Variants in XYLT1 observed in about 807,000 individuals in gnomAD.
The protein encoded by XYLT1 is beta-D-xylosyltransferase 1.
A neutral mutation model predicts 91.3 loss-of-function variants in XYLT1; 36 were observed. The observed-to-expected ratio is 0.39, with a 90% CI of 0.30 to 0.52. The LOEUF (loss-of-function observed/expected upper bound fraction) is 0.52. Ranked by LOEUF, XYLT1 falls within the 20% of genes least tolerant of loss-of-function variation. The pLI, the probability that XYLT1 is intolerant of heterozygous loss-of-function variation, is 0.68. For synonymous variants in XYLT1, 588 were observed against 532.0 expected (o/e 1.11, Z -1.45); for missense variants, 1,242 against 1,284.5 (o/e 0.97, Z 0.51).
chr16:17,304,654 AT>A (rs996786207), intron 2 of XYLT1, among the ~76,000 whole-genome samples: 8 of 150,320 alleles, frequency 5.3e-5, no homozygotes, highest in East Asian at 1.9e-4. Flanking sequence ...CACAGTTAAG[AT>A]TTTTTTTTTC....
At chr16:17,308,440 T>C (rs2034498287) in intron 2 of XYLT1, among the ~76,000 whole-genome samples, 1 of 152,174 alleles carries the variant, frequency 6.6e-6, no homozygotes, top group African/African-American at 2.4e-5. Context: ...AGAGATTACT[T>C]CCCTTCTCCT....
intron 1 of XYLT1, among the ~76,000 whole-genome samples, chr16:17,371,465 A>G (rs550031072): frequency 8.3e-4 from 127 of 152,346 alleles, no homozygotes; most frequent in African/African-American, 2.7e-3. Flanking sequence ...CTCCCTATAA[A>G]GAAGAGTTTG....
rs565391680 is a variant in XYLT1 at position 17,176,296 on chromosome 16, T to C, written c.1290-17387A>G. The stretch of plus-strand genomic sequence containing the variant: ...GTCACCCGGGCAGCTTGGGTCACCA[T>C]CACTATCATCGTTTCTCGAGCCCTT... On this transcript the variant is annotated intron_variant, in intron 5 of 11. Transcript: ENST00000261381. 4.0e-4 allele frequency among the ~76,000 whole-genome samples: 61 copies of C among 152,332 alleles called. 1 individual carries two copies. The highest frequency in any genetic ancestry group is 1.4e-3 in the African/African-American group (57 of 41,576).
chr16:17,202,458 T>C (rs1322660737), intron 3 of XYLT1, among the ~76,000 whole-genome samples: 1 of 152,210 alleles, frequency 6.6e-6, no homozygotes, highest in African/African-American at 2.4e-5. Flanking sequence ...CTGCCCTCGA[T>C]TGGTGGGTCT....
rs1236568384 is a variant in XYLT1, at chr16:17,198,276, G to A, written c.1225C>T (p.Leu409=). The A allele has an allele frequency of 1.2e-5, 19 of 1,614,092 alleles. No individual in the cohort carries two copies. The highest frequency in any genetic ancestry group is 1.6e-5 in the Non-Finnish European group (19 of 1,180,034). Residue 409 remains leucine, a synonymous_variant, in exon 5 of 12, where the codon CTG becomes TTG. Coordinates refer to ENST00000261381, the MANE Select transcript of XYLT1 (RefSeq NM_022166.4). ...TCCCAGGGCCAGTCGGTCATCTCCA[G>A]GAGGTCCCGCATGCTCTGCAGGTAG... ...STYLQSMRDL[L]EMTDWPWDFF...
At chr16:17,268,184 A>C (rs575716933) in intron 2 of XYLT1, among the ~76,000 whole-genome samples, 2 of 152,208 alleles carry the variant, frequency 1.3e-5, no homozygotes, top group African/African-American at 2.4e-5. Flanking sequence ...AAATGTGAGA[A>C]TCTAGCTATC....
chr16:17,338,154 TC>T (rs778848559), intron 2 of XYLT1: 7 of 455,838 alleles, frequency 1.5e-5, no homozygotes, highest in South Asian at 1.1e-4. Flanking sequence ...TTATCATAAC[TC>T]CCCTGAACTG....
chr16:17,433,405 C>A (rs921451350), intron 1 of XYLT1, among the ~76,000 whole-genome samples: 15 of 152,150 alleles, frequency 9.9e-5, no homozygotes, highest in African/African-American at 3.4e-4. Context: ...TTGGGAAAAA[C>A]AATATTTCCA....
Position 17,219,633 on chromosome 16 carries a change from ACTTTT to A in XYLT1, c.914-18984_914-18980del, listed in dbSNP as rs1385024222. Among the ~76,000 whole-genome samples, 19 of 152,260 alleles carry A rather than the reference ACTTTT, an allele frequency of 1.2e-4. No individual in the cohort carries two copies. In the South Asian group the frequency reaches 3.1e-3, roughly 25 times the overall value. ...TTTAAGCCAGGGGGCTCCTGAGAAT[ACTTTT>A]CTTTTCTTTCTTTCTCTTTTTGAGA... On this transcript the variant is annotated intron_variant, in intron 3 of 11. Coordinates refer to ENST00000261381, the MANE Select transcript of XYLT1 (RefSeq NM_022166.4).
At chr16:17,250,523 A>C (rs2033520521) in intron 3 of XYLT1, 1 of 152,232 alleles carries the variant, frequency 6.6e-6, no homozygotes, top group Non-Finnish European at 1.5e-5. Flanking sequence ...ACAAAGTCCC[A>C]AATATTTATG....
At chr16:17,467,637 C>T (rs1010464325) in intron 1 of XYLT1, among the ~76,000 whole-genome samples, 32 of 152,182 alleles carry the variant, frequency 2.1e-4, no homozygotes, top group African/African-American at 7.7e-4. Context: ...TTCTTAAGTG[C>T]ACCAAAAATA....
At chr16:17,176,885 A>G (rs1457625853) in intron 5 of XYLT1, among the ~76,000 whole-genome samples, 1 of 151,752 alleles carries the variant, frequency 6.6e-6, no homozygotes, top group Non-Finnish European at 1.5e-5. Flanking sequence ...AACTGATTAT[A>G]AACTGAACCA....
chr16:17,350,495 G>C (rs2035205921), intron 2 of XYLT1, among the ~76,000 whole-genome samples: 2 of 152,206 alleles, frequency 1.3e-5, no homozygotes, highest in South Asian at 4.1e-4. Context: ...GGTCTGGCTG[G>C]TCACCTCCCT....
chr16:17,178,530 AGGGCTGAGAT>A (rs1486804391), intron 5 of XYLT1, among the ~76,000 whole-genome samples: 1 of 152,194 alleles, frequency 6.6e-6, no homozygotes, highest in Non-Finnish European at 1.5e-5. Flanking sequence ...TAAATTTGAA[AGGGCTGAGAT>A]GTACGTGTTC....
chr16:17,112,725 G>A (rs2141478990), intron 11 of XYLT1, among the ~76,000 whole-genome samples: 1 of 152,268 alleles, frequency 6.6e-6, no homozygotes. Flanking sequence ...CTGGTTCATG[G>A]GGAAGAAGGA....
chr16:17,118,071 A>G (rs1597130797), intron 10 of XYLT1, 92 bp from the exon 11 acceptor site: 2 of 1,320,378 alleles, frequency 1.5e-6, no homozygotes, highest in Admixed American at 2.5e-5. Flanking sequence ...TAGCTTTCAT[A>G]TACCCATTTT....
Position 17,127,791 on chromosome 16 carries a change from T to C in XYLT1, c.2098A>G (p.Ile700Val), listed in dbSNP as rs773224649. 6.2e-7 allele frequency: 1 copy of C among 1,614,058 alleles called. No homozygotes were observed. Among genetic ancestry groups the C allele is most frequent in the Non-Finnish European group, 8.5e-7 (1 of 1,180,008 alleles). The stretch of plus-strand genomic sequence containing the variant: ...GCCAGATTGGTAGCATGATGCTTGA[T>C]CAGAAAGCCCTGGAAGCGGTCAGCA... ...FLADRFQGFLIKHHATNLAVS... is the reference protein window; with the variant it reads ...FLADRFQGFLVKHHATNLAVS... Residue 700 changes from isoleucine (I) to valine (V), a missense_variant, in exon 10 of 12, where the codon ATC becomes GTC. Ile to Val is a conservative substitution (Grantham distance 29). This residue lies in a region of XYLT1 where 511 missense variants were observed against 497.0 expected (regional missense o/e 1.03). Coordinates refer to ENST00000261381, the MANE Select transcript of XYLT1 (RefSeq NM_022166.4).
intron 1 of XYLT1, among the ~76,000 whole-genome samples, chr16:17,391,712 C>A (rs2035821907): frequency 6.6e-6 from 1 of 152,152 alleles, no homozygotes; most frequent in Non-Finnish European, 1.5e-5. Flanking sequence ...GTGTCCCCAC[C>A]CAAAACTCAT....
At chr16:17,375,792 G>A (rs989250957) in intron 1 of XYLT1, among the ~76,000 whole-genome samples, 12 of 152,244 alleles carry the variant, frequency 7.9e-5, no homozygotes, top group Non-Finnish European at 1.6e-4. Flanking sequence ...ACATTTCCAC[G>A]CTTCAGATAA....
Sources: allele counts gnomAD v4.1 joint callset (sites outside exome capture counted in the v4.1 genomes callset), GRCh38; gene constraint gnomAD v4.1.1; regional missense constraint gnomAD v4.1.1; transcripts MANE v1.5; gene names NCBI Gene and HGNC (gene_info 2026-07-23, HGNC 2026-07-21).